The following C2orf42 variants were observed in gnomAD, a reference collection of about 807,000 sequenced individuals.
C2orf42 encodes the protein chromosome 2 open reading frame 42, also known as uncharacterized protein C2orf42.
Under a neutral mutation model 58.9 loss-of-function variants are expected in C2orf42, and 44 were observed. The ratio of observed to expected loss-of-function variants is 0.75; its 90% CI spans 0.59 to 0.96. The LOEUF is 0.96. Among genes scored for constraint, C2orf42 ranks in the 40% least tolerant of loss-of-function variants. The pLI is 0.00. For synonymous variants in C2orf42, 239 were observed against 265.4 expected, an observed-to-expected ratio of 0.90 and a Z score of 0.97; for missense variants, 630 against 699.2, an observed-to-expected ratio of 0.90 and a Z score of 1.12.
At chr2:70,177,195 C>T (rs1238520070) in intron 4 of C2orf42, among the ~76,000 whole-genome samples, 2 of 151,826 alleles carry the variant, frequency 1.3e-5, no homozygotes, top group Non-Finnish European at 2.9e-5. Flanking sequence ...TCACTTGAAC[C>T]CGAGAGATGG....
chr2:70,184,504 T>C (rs1674795537), intron 1 of C2orf42, among the ~76,000 whole-genome samples: 1 of 89,652 alleles, frequency 1.1e-5, no homozygotes. Flanking sequence ...TTTTTTTTTT[T>C]TGAGACAGAG....
chr2:70,184,733 G>A (rs528754982), intron 1 of C2orf42, among the ~76,000 whole-genome samples: 17 of 151,824 alleles, frequency 1.1e-4, no homozygotes, highest in Non-Finnish European at 2.4e-4. Context: ...CTCCTGCCTC[G>A]GCCTCCCAAA....
At chr2:70,159,831 C>T (rs1419110476) in intron 9 of C2orf42, among the ~76,000 whole-genome samples, 1 of 152,040 alleles carries the variant, frequency 6.6e-6, no homozygotes, top group African/African-American at 2.4e-5. Context: ...CCACTGTGCC[C>T]AGCTTTCATT....
At position 70,179,620 on chromosome 2, in the gene C2orf42, G is replaced by T. The variant is rs1377253052; in HGVS notation, c.846C>A (p.Pro282=). The T allele has an allele frequency of 6.7e-7, 1 of 1,496,490 alleles. No homozygotes were observed. Among genetic ancestry groups the T allele is most frequent in the Non-Finnish European group, 9.3e-7 (1 of 1,074,680 alleles). The allele number at this position is 1,496,490 out of a possible 1,614,324, so 92.7% of individuals were successfully genotyped here. The change falls in exon 4 of 10, where the codon CCC becomes CCA. Residue 282 remains proline (P), a synonymous_variant. Coordinates refer to ENST00000264434, the MANE Select transcript of C2orf42 (RefSeq NM_017880.3). ...DSSGLKEIIV[P]QLGCHSESTV... is the part of the protein sequence containing the mutation. The stretch of plus-strand genomic sequence containing the variant: ...TTGATTCTGAATGGCAACCTAACTG[G>T]GGTACAATAATCTCTTTAAGACCTA...
Position 70,169,678 on chromosome 2 carries a change from C to T in C2orf42, c.1040-17G>A. ...GACCACAGGCTAGGGAAAAAAAAAC[C>T]ACACATACACACTTCTTTAGTAACT... On this transcript the variant is annotated splice_polypyrimidine_tract_variant and intron_variant, in intron 5 of 9. Coordinates refer to ENST00000264434, the MANE Select transcript of C2orf42 (RefSeq NM_017880.3). 9.1e-7 allele frequency: 1 copy of T among 1,097,918 alleles called. No individual in the cohort carries two copies. Among genetic ancestry groups the T allele is most frequent in the South Asian group, 1.3e-5 (1 of 79,506 alleles). The allele number at this position is 1,097,918 out of a possible 1,614,324, so 68.0% of individuals were successfully genotyped here. A position where few individuals can be genotyped will look rare whatever the true frequency, so the allele number is the denominator to read the frequency against.
chr2:70,188,274 G>A (rs1227754527), intron 1 of C2orf42, among the ~76,000 whole-genome samples: 4 of 152,118 alleles, frequency 2.6e-5, no homozygotes, highest in Non-Finnish European at 4.4e-5. Context: ...TGCAACCTCT[G>A]CCTCCCGGGT....
chr2:70,184,394 T>C (rs1573038828), intron 1 of C2orf42, among the ~76,000 whole-genome samples: 1 of 151,822 alleles, frequency 6.6e-6, no homozygotes, highest in East Asian at 1.9e-4. Context: ...CCAGGCTGGT[T>C]TTGAACTCCT....
At chr2:70,167,215 G>A (rs539305231) in intron 6 of C2orf42, among the ~76,000 whole-genome samples, 15 of 151,900 alleles carry the variant, frequency 9.9e-5, no homozygotes, top group African/African-American at 3.4e-4. Context: ...AAAATTAGCC[G>A]GGCATGGTGG....
intron 1 of C2orf42, among the ~76,000 whole-genome samples, chr2:70,189,544 T>C (rs898172120): frequency 2.8e-5 from 4 of 144,054 alleles, no homozygotes; most frequent in African/African-American, 5.2e-5. Flanking sequence ...AGTGAAACCC[T>C]GTCTCTACTA....
intron 9 of C2orf42, among the ~76,000 whole-genome samples, chr2:70,158,389 C>G (rs1232226810): frequency 6.6e-6 from 1 of 151,966 alleles, no homozygotes; most frequent in Non-Finnish European, 1.5e-5. Flanking sequence ...TAAATGTTAT[C>G]AAACATTAAT....
At chr2:70,158,186 G>A (rs1253471203) in intron 9 of C2orf42, among the ~76,000 whole-genome samples, 2 of 148,782 alleles carry the variant, frequency 1.3e-5, no homozygotes, top group Non-Finnish European at 1.5e-5. Context: ...GCGACAGAGT[G>A]AGACTCGGTC....
chr2:70,155,361 G>C (rs1672597038), intron 9 of C2orf42, among the ~76,000 whole-genome samples: 1 of 152,188 alleles, frequency 6.6e-6, no homozygotes, highest in Non-Finnish European at 1.5e-5. Flanking sequence ...GGGTCTCCTT[G>C]TGTTGCTCAG....
At chr2:70,162,960 C>T (rs544634221) in intron 8 of C2orf42, among the ~76,000 whole-genome samples, 2 of 151,914 alleles carry the variant, frequency 1.3e-5, no homozygotes, top group East Asian at 1.9e-4. Flanking sequence ...CTCCGCCTCC[C>T]GGGTTCAAGC....
chr2:70,175,849 A>T, intron 4 of C2orf42, 72 bp from the exon 5 acceptor site: 1 of 942,162 alleles, frequency 1.1e-6, no homozygotes. Context: ...TAATTTTTAG[A>T]GTCTAAAACA....
intron 9 of C2orf42, among the ~76,000 whole-genome samples, chr2:70,155,594 T>G (rs537694982): frequency 4.0e-5 from 6 of 150,818 alleles, no homozygotes; most frequent in Non-Finnish European, 5.9e-5. Flanking sequence ...AGGTCAGGAG[T>G]TCGAGACCAG....
intron 9 of C2orf42, among the ~76,000 whole-genome samples, chr2:70,154,414 T>TAAAAAAAAAAAAAAAA (rs36028499): frequency 2.0e-4 from 5 of 25,600 alleles, no homozygotes; most frequent in African/African-American, 7.4e-4. Context: ...AAATTTTTAC[T>TAAAAAAAAAAAAAAAA]AAAAAAAAAA....
At chr2:70,153,942 A>G (rs1672476037) in intron 9 of C2orf42, among the ~76,000 whole-genome samples, 1 of 151,332 alleles carries the variant, frequency 6.6e-6, no homozygotes, top group African/African-American at 2.4e-5. Flanking sequence ...AATCCCAGCT[A>G]CTCGGGAGGC....
Position 70,149,972 on chromosome 2 carries a change from C to G in C2orf42, c.*384G>C. ...GCCAAGATGGTCTTTAACATTCTGC[C>G]CTAACCAGGGTGTTAACTTTCCAAC... On this transcript the variant is annotated 3_prime_UTR_variant, in exon 10 of 10. Coordinates refer to ENST00000264434, the MANE Select transcript of C2orf42 (RefSeq NM_017880.3). 1 of 249,516 alleles carries G rather than the reference C, an allele frequency of 4.0e-6. No individual in the cohort carries two copies. The highest frequency in any genetic ancestry group is 7.9e-6 in the Non-Finnish European group (1 of 126,370). The allele number at this position is 249,516 out of a possible 1,614,324, so 15.5% of individuals were successfully genotyped here.
chr2:70,181,158 C>A lies in C2orf42; in HGVS notation c.823+5G>T. The A allele has an allele frequency of 6.6e-7, 1 of 1,525,726 alleles. No individual in the cohort carries two copies. Among genetic ancestry groups the A allele is most frequent in the Non-Finnish European group, 8.9e-7 (1 of 1,124,630 alleles). The allele number at this position is 1,525,726 out of a possible 1,614,324, so 94.5% of individuals were successfully genotyped here. A position where few individuals can be genotyped will look rare whatever the true frequency, so the allele number is the denominator to read the frequency against. On this transcript the variant is annotated splice_donor_5th_base_variant and intron_variant, in intron 3 of 9. Transcript: ENST00000264434. ...CGTAATAACCACATCAACCATACCA[C>A]CTACCGCTGGAATCAAAATTTAGGA... is the stretch of plus-strand genomic sequence containing the variant.
Sources: allele counts gnomAD v4.1 joint callset (sites outside exome capture counted in the v4.1 genomes callset), GRCh38; gene constraint gnomAD v4.1.1; transcripts MANE v1.5; gene names NCBI Gene and HGNC (gene_info 2026-07-23, HGNC 2026-07-21).